The following DMXL2 variants were observed in gnomAD, a reference collection of about 807,000 sequenced individuals.
DMXL2 encodes the protein dmX-like protein 2.
Under a neutral mutation model 331.1 loss-of-function variants are expected in DMXL2, and 103 were observed. That is an observed-to-expected ratio of 0.31 (90% CI 0.27 to 0.37). The LOEUF is 0.37. Among genes scored for constraint, DMXL2 ranks in the 10% least tolerant of loss-of-function variants. The probability of loss-of-function intolerance (pLI) is 1.00; values close to 1 mark genes in which losing one functional copy is unlikely to be tolerated. For synonymous variants in DMXL2, 1,281 were observed against 1,252.1 expected (o/e 1.02, Z -0.49); for missense variants, 3,171 against 3,642.9 (o/e 0.87, Z 3.33).
chr15:51,479,992 C>G lies in DMXL2; in HGVS notation c.6712G>C (p.Val2238Leu). Residue 2238 changes from valine to leucine, a missense_variant, in exon 25 of 44, where the codon GTT (valine) becomes CTT (leucine). By Grantham distance (32) the Val-to-Leu change is conservative. This residue lies in a region of DMXL2 where 197 missense variants were observed against 196.2 expected (regional missense o/e 1.00). Transcript: ENST00000560891. The part of the protein sequence containing the change: ...NHIHDILYTI[V>L]QMKTPPHPSI... ...GGATGAGGTGGTGTTTTCATCTGAA[C>G]AATAGTATAAAGTATATCATGGATG... 1 of 1,549,212 alleles carries G rather than the reference C, an allele frequency of 6.5e-7. No individual in the cohort carries two copies. Among genetic ancestry groups the G allele is most frequent in the South Asian group, 1.2e-5 (1 of 82,782 alleles).
In DMXL2 at chr15:51,536,517, C is replaced by A; in HGVS notation, c.1963G>T (p.Asp655Tyr). The change falls in exon 12 of 44, where the codon GAC (aspartate) becomes TAC (tyrosine). Residue 655 changes from aspartate to tyrosine, a missense_variant. By Grantham distance (160) the Asp-to-Tyr change is radical. Around this residue, in one of 7 missense-constraint regions of DMXL2, gnomAD observed 1,674 missense variants for 1,780.2 expected, o/e 0.94. Coordinates refer to ENST00000560891, the MANE Select transcript of DMXL2 (RefSeq NM_001378457.1). ...RYCGHRFHLN[D>Y]LACHSVLPLL... ...GGTAAAACTGAATGACATGCCAGGT[C>A]ATTGAGGTGAAATCGATGACCGCAA... 1.2e-6 allele frequency: 2 copies of A among 1,613,826 alleles called. No homozygotes were observed. Among genetic ancestry groups the A allele is most frequent in the South Asian group, 2.2e-5 (2 of 91,026 alleles).
In DMXL2 at chr15:51,498,664, G is replaced by C. The variant is rs1015691334; in HGVS notation, c.4560C>G (p.His1520Gln). The change falls in exon 18 of 44, where the codon CAC becomes CAG. Residue 1520 changes from histidine to glutamine, a missense_variant. By Grantham distance (24) the His-to-Gln change is conservative. This residue lies in a region of DMXL2 where 252 missense variants were observed against 387.4 expected (regional missense o/e 0.65). Transcript: ENST00000560891. Reference protein sequence around the residue: ...HARVLSSHLMHSSLPGLTRLE... With the variant: ...HARVLSSHLMQSSLPGLTRLE... ...AACGGGTAAGGCCTGGTAGACTTGA[G>C]TGCATAAGATGACTTGAAAGTACCC... The C allele has an allele frequency of 1.2e-6, 2 of 1,614,084 alleles. No individual in the cohort carries two copies. Among genetic ancestry groups the C allele is most frequent in the Non-Finnish European group, 1.7e-6 (2 of 1,180,046 alleles).
chr15:51,489,486 G>A (rs1486866189), intron 20 of DMXL2, among the ~76,000 whole-genome samples: 2 of 151,908 alleles, frequency 1.3e-5, no homozygotes, highest in Non-Finnish European at 2.9e-5. Context: ...GTGAAACCCC[G>A]TCTCTACTAA....
At position 51,450,216 on chromosome 15, in the gene DMXL2, G is replaced by C. The variant is rs777623380; in HGVS notation, c.8880C>G (p.Phe2960Leu). 9.3e-6 allele frequency: 15 copies of C among 1,614,050 alleles called. No homozygotes were observed. The highest frequency in any genetic ancestry group is 1.3e-5 in the Non-Finnish European group (15 of 1,180,004). ...CCTTAATAGCTGAGTCATGGGCCTG[G>C]AACGTGTGAATGAGCTGCCTTTGCC... ...DIRQRQLIHT[F>L]QAHDSAIKAL... Residue 2960 changes from phenylalanine to leucine, a missense_variant, in exon 43 of 44, where the codon TTC (phenylalanine) becomes TTG (leucine). Physicochemically the swap from Phe to Leu is conservative, Grantham distance 22. Coordinates refer to ENST00000560891, the MANE Select transcript of DMXL2 (RefSeq NM_001378457.1).
intron 30 of DMXL2, 138 bp downstream of exon 30, chr15:51,466,046 T>C (rs2040538151): frequency 1.2e-5 from 9 of 755,932 alleles, no homozygotes; most frequent in Non-Finnish European, 1.6e-5. Flanking sequence ...CTCAAAGGTG[T>C]AGAATTTGTA....
rs1334456324 is a variant in DMXL2, at chr15:51,448,841, A to G, written c.*143T>C. The G allele has an allele frequency of 1.3e-4, 103 of 803,974 alleles. No homozygotes were observed. The highest frequency in any genetic ancestry group is 7.8e-6 in the Non-Finnish European group (4 of 510,618). 49.8% of individuals were successfully genotyped at this position (803,974 alleles called of 1,614,324 possible). A position where few individuals can be genotyped will look rare whatever the true frequency, so the allele number is the denominator to read the frequency against. ...GCGCATTCATTCCACCAACCTGTTT[A>G]GATAATACTCAGCTTGGGTCATATT... is the stretch of plus-strand genomic sequence containing the variant. On this transcript the variant is annotated 3_prime_UTR_variant, in exon 44 of 44. Transcript: ENST00000560891.
chr15:51,499,079 A>G lies in DMXL2; in HGVS notation c.4145T>C (p.Val1382Ala). The G allele has an allele frequency of 3.7e-6, 6 of 1,614,058 alleles. No individual in the cohort carries two copies. Among genetic ancestry groups the G allele is most frequent in the Non-Finnish European group, 5.1e-6 (6 of 1,180,020 alleles). The change falls in exon 18 of 44, where the codon GTT (valine) becomes GCT (alanine). Residue 1382 changes from valine (V) to alanine (A), a missense_variant. By Grantham distance (64) the Val-to-Ala change is moderately conservative. Around this residue, in one of 7 missense-constraint regions of DMXL2, gnomAD observed 1,674 missense variants for 1,780.2 expected, o/e 0.94. Coordinates refer to ENST00000560891, the MANE Select transcript of DMXL2 (RefSeq NM_001378457.1). ...TCCTTCTCCAGCATCAGGATCTCTAACTATTGCTACTTCACCTGCAATACA... is the reference window on the plus strand; with the variant it reads ...TCCTTCTCCAGCATCAGGATCTCTAGCTATTGCTACTTCACCTGCAATACA... ...VKCIAGEVAI[V>A]RDPDAGEGTK...
At chr15:51,506,988 G>T (rs2046442970) in intron 16 of DMXL2, 146 bp downstream of exon 16, 2 of 601,594 alleles carry the variant, frequency 3.3e-6, no homozygotes, top group South Asian at 5.3e-5. Flanking sequence ...TTATGACCTT[G>T]TAATTAAAAG....
In DMXL2 at chr15:51,458,631, T is replaced by TA. The variant is rs2039856860; in HGVS notation, c.8077-5dup. 6.2e-7 allele frequency: 1 copy of TA among 1,613,986 alleles called. No homozygotes were observed. The highest frequency in any genetic ancestry group is 2.2e-5 in the East Asian group (1 of 44,846). On this transcript the variant is annotated splice_region_variant and splice_polypyrimidine_tract_variant and intron_variant, in intron 35 of 43. Coordinates refer to ENST00000560891, the MANE Select transcript of DMXL2 (RefSeq NM_001378457.1). Reference sequence around the variant, plus strand: ...AAACAATTTCATTACAATTTGCCTATAAAGCAAAGGCAGAATCGATGATTT... The same window carrying TA: ...AAACAATTTCATTACAATTTGCCTATAAAAGCAAAGGCAGAATCGATGATTT...
intron 28 of DMXL2, 30 bp downstream of exon 28, chr15:51,474,314 C>T (rs756018002): frequency 1.9e-6 from 3 of 1,554,788 alleles, no homozygotes; most frequent in Non-Finnish European, 2.6e-6. Context: ...TTAACATTTA[C>T]ATACATTACT....
intron 13 of DMXL2, among the ~76,000 whole-genome samples, chr15:51,526,045 A>AT (rs971661543): frequency 1.3e-5 from 2 of 150,134 alleles, no homozygotes; most frequent in African/African-American, 4.9e-5. Flanking sequence ...CCTAGAGGTG[A>AT]TGGCCACAGG....
In DMXL2 at chr15:51,481,159, C is replaced by A; in HGVS notation, c.5947G>T (p.Asp1983Tyr). The A allele has an allele frequency of 6.2e-7, 1 of 1,613,618 alleles. No homozygotes were observed. The highest frequency in any genetic ancestry group is 8.5e-7 in the Non-Finnish European group (1 of 1,179,704). ...PLNLDWGEDH[D>Y]SALDEEEDDA... is the part of the protein sequence containing the mutation. Reference sequence around the variant, plus strand: ...TCTTCCTCTTCATCTAAGGCACTGTCGTGATCTTCACCCCAATCAAGATTA... The same window carrying A: ...TCTTCCTCTTCATCTAAGGCACTGTAGTGATCTTCACCCCAATCAAGATTA... Residue 1983 changes from aspartate (D) to tyrosine (Y), a missense_variant, in exon 24 of 44, where the codon GAC becomes TAC. By Grantham distance (160) the Asp-to-Tyr change is radical. Transcript: ENST00000560891.
Position 51,463,486 on chromosome 15 carries a change from A to C in DMXL2, c.7819T>G (p.Ser2607Ala). ...AGTCGTTTGACTGGAAATGCAGAAG[A>C]ATCCCGGGACCTATTAAAAAAAATT... Reference protein sequence around the residue: ...PENTPFKSRDSSAFPVKRLWH... With the variant: ...PENTPFKSRDASAFPVKRLWH... Residue 2607 changes from serine (S) to alanine (A), a missense_variant, in exon 33 of 44, where the codon TCT becomes GCT. This residue lies in a region of DMXL2 where 766 missense variants were observed against 940.5 expected (regional missense o/e 0.81). Transcript: ENST00000560891. 1 of 1,591,834 alleles carries C rather than the reference A, an allele frequency of 6.3e-7. No individual in the cohort carries two copies. Among genetic ancestry groups the C allele is most frequent in the Non-Finnish European group, 8.5e-7 (1 of 1,171,872 alleles).
intron 33 of DMXL2, among the ~76,000 whole-genome samples, chr15:51,462,821 TCTG>T (rs2040244284): frequency 1.3e-5 from 2 of 152,200 alleles, no homozygotes; most frequent in African/African-American, 4.8e-5. Context: ...TTGAACCATG[TCTG>T]CTATTACATT....
At chr15:51,491,101 G>T (rs971385415) in intron 20 of DMXL2, among the ~76,000 whole-genome samples, 6 of 152,066 alleles carry the variant, frequency 3.9e-5, no homozygotes, top group Admixed American at 6.5e-5. Context: ...ATACTGCATG[G>T]ACATTTTATA....
At chr15:51,619,639 C>T (rs1024361881) in intron 1 of DMXL2, among the ~76,000 whole-genome samples, 1 of 152,160 alleles carries the variant, frequency 6.6e-6, no homozygotes, top group Non-Finnish European at 1.5e-5. Flanking sequence ...ACTCAAAATC[C>T]TTTTAGAACA....
At chr15:51,506,127 C>T (rs970078439) in intron 16 of DMXL2, among the ~76,000 whole-genome samples, 1 of 152,132 alleles carries the variant, frequency 6.6e-6, no homozygotes, top group Non-Finnish European at 1.5e-5. Context: ...GGCTGGAGTG[C>T]GGTGGTGCAG....
chr15:51,460,382 T>C (rs964059482), intron 33 of DMXL2: 18 of 985,224 alleles, frequency 1.8e-5, no homozygotes, highest in Non-Finnish European at 2.0e-5. Flanking sequence ...CTGCAGCTGA[T>C]AAAGATGCAT....
At chr15:51,460,596 A>ATT (rs532551483) in intron 33 of DMXL2, 2 of 157,088 alleles carry the variant, frequency 1.3e-5, no homozygotes, top group African/African-American at 4.8e-5. Context: ...TTTCTCAGGG[A>ATT]TTTTTTTTAA....
Sources: allele counts gnomAD v4.1 joint callset (sites outside exome capture counted in the v4.1 genomes callset), GRCh38; gene constraint gnomAD v4.1.1; regional missense constraint gnomAD v4.1.1; transcripts MANE v1.5; gene names NCBI Gene and HGNC (gene_info 2026-07-23, HGNC 2026-07-21).